PPM1L: variants seen among roughly 807,000 people sequenced by gnomAD.
PPM1L encodes the protein protein phosphatase, Mg2+/Mn2+ dependent 1L.
Under a neutral mutation model 31.4 loss-of-function variants are expected in PPM1L, and 13 were observed. The ratio of observed to expected loss-of-function variants is 0.41; its 90% CI spans 0.27 to 0.66. The LOEUF is 0.66. Among genes scored for constraint, PPM1L ranks in the 30% least tolerant of loss-of-function variants. PPM1L has a pLI of 0.29. For synonymous variants in PPM1L, 184 were observed against 175.4 expected (o/e 1.05, Z -0.39); for missense variants, 326 against 453.7 (o/e 0.72, Z 2.56).
intron 1 of PPM1L, among the ~76,000 whole-genome samples, chr3:160,920,316 T>G (rs928869131): frequency 1.3e-5 from 2 of 152,074 alleles, no homozygotes; most frequent in South Asian, 4.2e-4. Flanking sequence ...CCAACTGCAC[T>G]CCCAGCTTGC....
At chr3:160,805,186 G>C (rs1712559453) in intron 1 of PPM1L, among the ~76,000 whole-genome samples, 1 of 152,172 alleles carries the variant, frequency 6.6e-6, no homozygotes, top group Non-Finnish European at 1.5e-5. Flanking sequence ...TCAGTACTGA[G>C]TGTAATTTAT....
chr3:160,778,983 G>T (rs1311315372), intron 1 of PPM1L, among the ~76,000 whole-genome samples: 2 of 151,510 alleles, frequency 1.3e-5, no homozygotes, highest in East Asian at 1.9e-4. Flanking sequence ...GGCTCAGTTG[G>T]TCTGTTTACT....
At chr3:160,996,033 A>G (rs1370368349) in intron 2 of PPM1L, among the ~76,000 whole-genome samples, 1 of 152,228 alleles carries the variant, frequency 6.6e-6, no homozygotes, top group Non-Finnish European at 1.5e-5. Context: ...CAAGCATGTG[A>G]AAAAATGCTC....
At chr3:160,776,022 T>A (rs1050850117) in intron 1 of PPM1L, among the ~76,000 whole-genome samples, 1 of 151,716 alleles carries the variant, frequency 6.6e-6, no homozygotes, top group Admixed American at 6.6e-5. Context: ...TTACTGATAG[T>A]GTGGGAATAC....
rs180890361 is a variant in PPM1L at position 160,844,308 on chromosome 3, C to T, written c.399+87601C>T. Among the ~76,000 whole-genome samples, 145 of 152,238 alleles carry T rather than the reference C, an allele frequency of 9.5e-4. 1 individual carries two copies. Among genetic ancestry groups the T allele is most frequent in the Middle Eastern group, 6.8e-3 (2 of 294 alleles). ...CCTTTAGCCTTCAGACTTTCTGAGACCCGCTGAGATACAGAAGAGAAGAAG... is the reference window on the plus strand; with the variant it reads ...CCTTTAGCCTTCAGACTTTCTGAGATCCGCTGAGATACAGAAGAGAAGAAG... On this transcript the variant is annotated intron_variant, in intron 1 of 3. Coordinates refer to ENST00000498165, the MANE Select transcript of PPM1L (RefSeq NM_139245.4).
intron 1 of PPM1L, among the ~76,000 whole-genome samples, chr3:160,911,812 G>A (rs966606761): frequency 3.9e-5 from 6 of 152,126 alleles, no homozygotes; most frequent in African/African-American, 1.4e-4. Context: ...CACACAGAGT[G>A]GATCCAAGAA....
chr3:161,006,823 C>G (rs912181405), intron 2 of PPM1L, among the ~76,000 whole-genome samples: 3 of 151,590 alleles, frequency 2.0e-5, no homozygotes, highest in Non-Finnish European at 2.9e-5. Context: ...GCTGGGACCA[C>G]AGGCACCCGC....
chr3:160,789,670 T>C (rs912261711), intron 1 of PPM1L, among the ~76,000 whole-genome samples: 13 of 152,064 alleles, frequency 8.5e-5, no homozygotes, highest in Non-Finnish European at 1.6e-4. Flanking sequence ...TAGTTTATAT[T>C]GAAGTTTATC....
chr3:161,063,619 C>G (rs1413669520), intron 2 of PPM1L, among the ~76,000 whole-genome samples: 3 of 152,010 alleles, frequency 2.0e-5, no homozygotes, highest in Non-Finnish European at 4.4e-5. Flanking sequence ...GGCAATTCCT[C>G]AAGGATCTAG....
At chr3:160,963,383 A>G (rs1716029295) in intron 2 of PPM1L, among the ~76,000 whole-genome samples, 1 of 152,108 alleles carries the variant, frequency 6.6e-6, no homozygotes, top group South Asian at 2.1e-4. Flanking sequence ...GAAAGAGAAA[A>G]GCAGTGAAAA....
chr3:160,886,039 G>A (rs191573452), intron 1 of PPM1L, among the ~76,000 whole-genome samples: 1 of 152,334 alleles, frequency 6.6e-6, no homozygotes, highest in East Asian at 1.9e-4. Flanking sequence ...AGGCTGGATG[G>A]CTTGGTCCCA....
intron 1 of PPM1L, among the ~76,000 whole-genome samples, chr3:160,940,612 A>T (rs1238653706): frequency 6.6e-6 from 1 of 152,126 alleles, no homozygotes; most frequent in African/African-American, 2.4e-5. Context: ...TTCATGTTGT[A>T]TTGAGCCTAG....
At chr3:161,027,782 T>G in intron 2 of PPM1L, among the ~76,000 whole-genome samples, 1 of 152,172 alleles carries the variant, frequency 6.6e-6, no homozygotes, top group East Asian at 1.9e-4. Context: ...GTGAATCTTA[T>G]GTACATCTAA....
intron 1 of PPM1L, among the ~76,000 whole-genome samples, chr3:160,827,241 A>C (rs1713379871): frequency 6.6e-6 from 1 of 151,744 alleles, no homozygotes. Flanking sequence ...TGCAAATGTG[A>C]TCAGCCTCTG....
intron 1 of PPM1L, among the ~76,000 whole-genome samples, chr3:160,920,313 C>T (rs1044604765): frequency 1.3e-5 from 2 of 152,112 alleles, no homozygotes; most frequent in African/African-American, 4.8e-5. Flanking sequence ...GGCCCAACTG[C>T]ACTCCCAGCT....
chr3:160,771,759 T>A (rs1715262846), intron 1 of PPM1L, among the ~76,000 whole-genome samples: 1 of 152,044 alleles, frequency 6.6e-6, no homozygotes, highest in African/African-American at 2.4e-5. Flanking sequence ...GCTTTATGTT[T>A]AATCTAAGTG....
At chr3:160,976,698 T>G (rs1263195919) in intron 2 of PPM1L, among the ~76,000 whole-genome samples, 13 of 152,236 alleles carry the variant, frequency 8.5e-5, no homozygotes, top group Admixed American at 8.5e-4. Flanking sequence ...GTAGTTTGTA[T>G]TTCTGTGGGA....
rs149036824 is a variant in PPM1L, at chr3:160,774,329, T to G, written c.399+17622T>G. Reference sequence around the variant, plus strand: ...TGGAGACATGCCATAAAGATGGTACTGCCACCATGCTAATTCAGGCTTTCA... The same window carrying G: ...TGGAGACATGCCATAAAGATGGTACGGCCACCATGCTAATTCAGGCTTTCA... On this transcript the variant is annotated intron_variant, in intron 1 of 3. Transcript: ENST00000498165. Among the ~76,000 whole-genome samples, 1,110 of 152,234 alleles carry G rather than the reference T, an allele frequency of 7.3e-3. 10 individuals are homozygous for G. Among genetic ancestry groups the G allele is most frequent in the African/African-American group, 0.026 (1,074 of 41,538 alleles).
intron 2 of PPM1L, among the ~76,000 whole-genome samples, chr3:160,986,589 A>G (rs1716974168): frequency 6.6e-6 from 1 of 152,214 alleles, no homozygotes; most frequent in Non-Finnish European, 1.5e-5. Flanking sequence ...ATAGTCTGAC[A>G]TCTGCTACAG....
Sources: gnomAD v4.1 joint callset for allele counts (sites outside exome capture counted in the v4.1 genomes callset) on GRCh38, gnomAD v4.1.1 for gene constraint, MANE v1.5 for transcripts, NCBI Gene and HGNC (gene_info 2026-07-23, HGNC 2026-07-21) for gene names.